SCEL: variants seen among roughly 807,000 people sequenced by gnomAD.
SCEL encodes the protein sciellin.
A neutral mutation model predicts 117.6 loss-of-function variants in SCEL; 113 were observed. The observed-to-expected ratio is 0.96, with a 90% confidence interval of 0.83 to 1.12. The LOEUF is 1.12. Ranked by LOEUF, SCEL falls within the 50% of genes most tolerant of loss-of-function variation. The pLI, the probability that SCEL is intolerant of heterozygous loss-of-function variation, is 0.00. For synonymous variants in SCEL, 270 were observed against 256.2 expected (o/e 1.05, Z -0.51); for missense variants, 785 against 810.8 (o/e 0.97, Z 0.39).
intron 1 of SCEL, among the ~76,000 whole-genome samples, chr13:77,550,463 C>T (rs117486859): frequency 2.5e-4 from 38 of 150,386 alleles, no homozygotes; most frequent in African/African-American, 3.4e-4. Flanking sequence ...TATCTGATTC[C>T]GGAGTATTTT....
Position 77,552,449 on chromosome 13 carries a change from T to C in SCEL, c.-19-3408T>C, listed in dbSNP as rs537844741. On this transcript the variant is annotated intron_variant, in intron 1 of 32. Coordinates refer to ENST00000349847, the MANE Select transcript of SCEL (RefSeq NM_144777.3). ...TTTGCATTTCTCTGATGGCCAGTGA[T>C]AGTGAGCATTTTTTCATGTGTTTTT... Among the ~76,000 whole-genome samples, 120 of 152,192 alleles carry C rather than the reference T, an allele frequency of 7.9e-4. 1 individual carries two copies. The highest frequency in any genetic ancestry group is 2.9e-3 in the African/African-American group (119 of 41,498).
intron 1 of SCEL, among the ~76,000 whole-genome samples, chr13:77,540,646 G>A (rs915157675): frequency 1.3e-5 from 2 of 152,196 alleles, no homozygotes; most frequent in African/African-American, 2.4e-5. Flanking sequence ...TAGCTCACAG[G>A]TGATGAAAAG....
At chr13:77,584,207 G>C (rs1223783145) in intron 9 of SCEL, among the ~76,000 whole-genome samples, 1 of 151,990 alleles carries the variant, frequency 6.6e-6, no homozygotes, top group Non-Finnish European at 1.5e-5. Flanking sequence ...TTCCTGCCTC[G>C]CTCTTGCATT....
chr13:77,556,021 A>G (rs2084636878), intron 2 of SCEL, 103 bp downstream of exon 2: 2 of 813,470 alleles, frequency 2.5e-6, no homozygotes, highest in Non-Finnish European at 4.0e-6. Flanking sequence ...CTTAGAAACA[A>G]CAGTCTAATT....
At chr13:77,563,129 C>T (rs1243387214) in intron 4 of SCEL, among the ~76,000 whole-genome samples, 1 of 151,948 alleles carries the variant, frequency 6.6e-6, no homozygotes, top group Non-Finnish European at 1.5e-5. Flanking sequence ...TAAATTCCCC[C>T]CCCATTTTTG....
intron 29 of SCEL, among the ~76,000 whole-genome samples, chr13:77,636,636 T>C (rs1397290237): frequency 6.6e-6 from 1 of 152,220 alleles, no homozygotes; most frequent in Non-Finnish European, 1.5e-5. Context: ...ATCATACTTC[T>C]TTGCTTTCAT....
chr13:77,570,582 G>A (rs773960342), intron 8 of SCEL, among the ~76,000 whole-genome samples: 3 of 152,146 alleles, frequency 2.0e-5, no homozygotes, highest in East Asian at 3.8e-4. Context: ...GTTCTGCAGC[G>A]GCTCAGAGAA....
chr13:77,593,372 T>C (rs564540094), intron 11 of SCEL, 142 bp from the exon 12 acceptor site: 2 of 568,126 alleles, frequency 3.5e-6, no homozygotes, highest in East Asian at 3.2e-5. Flanking sequence ...AATAGAACCA[T>C]TTTGTCATTC....
At chr13:77,642,103 C>T (rs2090583101) in intron 31 of SCEL, among the ~76,000 whole-genome samples, 1 of 151,816 alleles carries the variant, frequency 6.6e-6, no homozygotes, top group Non-Finnish European at 1.5e-5. Context: ...TTTCTATTTT[C>T]AATGTAATTT....
intron 19 of SCEL, among the ~76,000 whole-genome samples, chr13:77,607,441 A>G (rs2088293933): frequency 1.3e-5 from 2 of 152,200 alleles, no homozygotes; most frequent in South Asian, 4.1e-4. Context: ...AACTCTGTAG[A>G]TTTTAATATT....
chr13:77,626,782 C>T (rs998744231), intron 27 of SCEL, among the ~76,000 whole-genome samples: 3 of 152,094 alleles, frequency 2.0e-5, no homozygotes, highest in African/African-American at 4.8e-5. Flanking sequence ...ATTACCTAGT[C>T]TCAGGCAGTT....
chr13:77,547,732 T>C (rs374869504), intron 1 of SCEL, among the ~76,000 whole-genome samples: 1 of 152,318 alleles, frequency 6.6e-6, no homozygotes, highest in African/African-American at 2.4e-5. Flanking sequence ...GGGTCTGATA[T>C]TTTCATGCCT....
chr13:77,556,467 C>A, intron 2 of SCEL, 129 bp from the exon 3 acceptor site: 1 of 705,466 alleles, frequency 1.4e-6, no homozygotes. Flanking sequence ...TACTTTGAAA[C>A]AGTACTGGAC....
intron 27 of SCEL, 112 bp downstream of exon 27, chr13:77,618,172 T>C (rs1251553698): frequency 1.2e-6 from 1 of 811,710 alleles, no homozygotes; most frequent in Admixed American, 2.0e-5. Flanking sequence ...TTTCCTCCCT[T>C]CCTCCCTTTT....
chr13:77,550,804 T>C (rs1262119533), intron 1 of SCEL, among the ~76,000 whole-genome samples: 1 of 152,232 alleles, frequency 6.6e-6, no homozygotes, highest in African/African-American at 2.4e-5. Flanking sequence ...TTGGCTGTTA[T>C]GTGCTACCAT....
At chr13:77,555,265 G>C (rs2084587919) in intron 1 of SCEL, among the ~76,000 whole-genome samples, 1 of 152,166 alleles carries the variant, frequency 6.6e-6, no homozygotes, top group South Asian at 2.1e-4. Flanking sequence ...AACACCAGAA[G>C]AGTAGTTCAG....
At chr13:77,592,623 C>G (rs1186740268) in intron 11 of SCEL, among the ~76,000 whole-genome samples, 1 of 144,430 alleles carries the variant, frequency 6.9e-6, no homozygotes, top group Non-Finnish European at 1.5e-5. Context: ...CAGCAGAGAA[C>G]TTATAGCTCA....
chr13:77,589,169 C>G lies in SCEL; in HGVS notation c.571C>G (p.Pro191Ala). 1 of 1,613,036 alleles carries G rather than the reference C, an allele frequency of 6.2e-7. No homozygotes were observed. Among genetic ancestry groups the G allele is most frequent in the Non-Finnish European group, 8.5e-7 (1 of 1,179,134 alleles). The stretch of plus-strand genomic sequence containing the variant: ...GGAACCAGGTGTTCACCCTCCAATA[C>G]CTCCAAAGCCCAGTTCTCCTGTTTC... The part of the protein sequence containing the change: ...RREPGVHPPI[P>A]PKPSSPVSSP... Residue 191 changes from proline (P) to alanine (A), a missense_variant, in exon 10 of 33, where the codon CCT becomes GCT. Pro to Ala is a conservative substitution (Grantham distance 27). Transcript: ENST00000349847.
At chr13:77,556,026 C>A in intron 2 of SCEL, 108 bp downstream of exon 2, 1 of 756,204 alleles carries the variant, frequency 1.3e-6, no homozygotes, top group Non-Finnish European at 2.2e-6. Flanking sequence ...AAACAACAGT[C>A]TAATTTAATT....
Sources: allele counts gnomAD v4.1 joint callset (sites outside exome capture counted in the v4.1 genomes callset), GRCh38; gene constraint gnomAD v4.1.1; transcripts MANE v1.5; gene names NCBI Gene and HGNC (gene_info 2026-07-23, HGNC 2026-07-21).